Variants in SPATS2 observed in about 807,000 individuals in gnomAD.
SPATS2 encodes the protein spermatogenesis-associated serine-rich protein 2.
A neutral mutation model predicts 63.7 loss-of-function variants in SPATS2; 38 were observed. That is an observed-to-expected ratio of 0.60 (90% CI 0.46 to 0.78). The LOEUF (loss-of-function observed/expected upper bound fraction) is 0.78, where lower values mean the gene tolerates loss of function less well. SPATS2 is among the 30% of genes least tolerant of loss of function. SPATS2 has a pLI of 0.00. For synonymous variants in SPATS2, 207 were observed against 232.9 expected, an observed-to-expected ratio of 0.89 and a Z score of 1.01; for missense variants, 588 against 666.2, an observed-to-expected ratio of 0.88 and a Z score of 1.29.
intron 2 of SPATS2, among the ~76,000 whole-genome samples, chr12:49,450,803 C>T (rs987801246): frequency 2.0e-5 from 3 of 151,968 alleles, no homozygotes. Flanking sequence ...CTTGGCCTCC[C>T]GAAGTGCTGG....
Position 49,437,823 on chromosome 12 carries a change from AAGAGGGAGAGGGAGACCGTGGGG to A in SPATS2, c.-243-22931_-243-22909del, listed in dbSNP as rs1193836802. Among the ~76,000 whole-genome samples, 27 of 152,038 alleles carry A rather than the reference AAGAGGGAGAGGGAGACCGTGGGG, an allele frequency of 1.8e-4. 1 individual carries two copies. The highest frequency in any genetic ancestry group is 2.5e-4 in the Non-Finnish European group (17 of 67,954). ...CGGCATCAGGGGGAGACCGTGGAAA[AAGAGGGAGAGGGAGACCGTGGGG>A]AGAGGGAGAGGGAGAGGGAGAGGAG... On this transcript the variant is annotated intron_variant, in intron 2 of 13. Coordinates refer to ENST00000552918, the MANE Select transcript of SPATS2 (RefSeq NM_023071.4).
chr12:49,395,404 A>T (rs1944490929), intron 2 of SPATS2, among the ~76,000 whole-genome samples: 1 of 150,750 alleles, frequency 6.6e-6, no homozygotes, highest in Non-Finnish European at 1.5e-5. Context: ...TATCTTAGAG[A>T]CAATACTACC....
intron 4 of SPATS2, 133 bp from the exon 5 acceptor site, chr12:49,489,332 C>T: frequency 3.5e-6 from 2 of 565,190 alleles, no homozygotes; most frequent in Non-Finnish European, 6.1e-6. Context: ...CTTGTATGTA[C>T]TGTCACTGAC....
At chr12:49,430,444 G>A (rs149196835) in intron 2 of SPATS2, among the ~76,000 whole-genome samples, 1,681 of 152,050 alleles carry the variant, frequency 0.011, 20 homozygotes, top group Non-Finnish European at 0.019. Flanking sequence ...ATATTTATTG[G>A]TAAACTGATT....
chr12:49,460,284 T>C (rs1945799341), intron 2 of SPATS2, among the ~76,000 whole-genome samples: 1 of 151,774 alleles, frequency 6.6e-6, no homozygotes, highest in Admixed American at 6.6e-5. Context: ...TGAAACCCCA[T>C]CTCTACTAAA....
chr12:49,428,071 C>T (rs920123070), intron 2 of SPATS2, among the ~76,000 whole-genome samples: 18 of 151,818 alleles, frequency 1.2e-4, no homozygotes, highest in African/African-American at 3.6e-4. Context: ...CTGGCTAACA[C>T]GGTGAAACCC....
At chr12:49,453,506 A>T in intron 2 of SPATS2, among the ~76,000 whole-genome samples, 1 of 152,154 alleles carries the variant, frequency 6.6e-6, no homozygotes, top group South Asian at 2.1e-4. Flanking sequence ...CATATTTTTT[A>T]AATTATTATT....
At chr12:49,460,347 G>A (rs562032399) in intron 2 of SPATS2, among the ~76,000 whole-genome samples, 141 of 152,102 alleles carry the variant, frequency 9.3e-4, no homozygotes, top group African/African-American at 3.3e-3. Context: ...CCAGCTACTC[G>A]GGAGGCTGAG....
chr12:49,450,248 T>A (rs1001930872), intron 2 of SPATS2, among the ~76,000 whole-genome samples: 7 of 151,910 alleles, frequency 4.6e-5, no homozygotes, highest in African/African-American at 1.2e-4. Context: ...TTTTTTTAAA[T>A]TTTATTTATT....
At chr12:49,517,845 G>A (rs1946876640) in intron 10 of SPATS2, among the ~76,000 whole-genome samples, 1 of 151,990 alleles carries the variant, frequency 6.6e-6, no homozygotes, top group Non-Finnish European at 1.5e-5. Flanking sequence ...ACCCAATTAT[G>A]TTGGTACCCA....
At chr12:49,408,552 C>CTTT (rs772842153) in intron 2 of SPATS2, among the ~76,000 whole-genome samples, 32 of 116,074 alleles carry the variant, frequency 2.8e-4, no homozygotes, top group African/African-American at 6.4e-4. Context: ...TGTGCCTGGC[C>CTTT]TTTTTTTTTT....
intron 2 of SPATS2, among the ~76,000 whole-genome samples, chr12:49,436,548 G>A (rs531356385): frequency 1.5e-5 from 2 of 129,658 alleles, no homozygotes; most frequent in South Asian, 4.7e-4. Context: ...CCTCCTGGCC[G>A]GGCGGGGGGC....
At chr12:49,410,884 T>G (rs1233141177) in intron 2 of SPATS2, among the ~76,000 whole-genome samples, 1 of 152,126 alleles carries the variant, frequency 6.6e-6, no homozygotes, top group African/African-American at 2.4e-5. Flanking sequence ...AAATATCTAT[T>G]CTTTAATGTG....
At chr12:49,460,691 A>G (rs537269078) in intron 2 of SPATS2, 79 bp from the exon 3 acceptor site, 1 of 292,726 alleles carries the variant, frequency 3.4e-6, no homozygotes, top group Admixed American at 5.2e-5. Flanking sequence ...TACAAAAGAA[A>G]CCTTGTGGAT....
chr12:49,516,166 A>AATATATAT (rs869230532), intron 10 of SPATS2, among the ~76,000 whole-genome samples: 4 of 30,818 alleles, frequency 1.3e-4, no homozygotes, highest in Admixed American at 6.7e-4. Context: ...AAAAAAAAAA[A>AATATATAT]ATATATATAT....
At chr12:49,467,945 G>A (rs1450528872) in intron 3 of SPATS2, among the ~76,000 whole-genome samples, 1 of 151,974 alleles carries the variant, frequency 6.6e-6, no homozygotes, top group Non-Finnish European at 1.5e-5. Context: ...GTATTAGCCA[G>A]GATGGTCTCG....
At chr12:49,429,777 C>CT (rs1945147183) in intron 2 of SPATS2, among the ~76,000 whole-genome samples, 1 of 133,218 alleles carries the variant, frequency 7.5e-6, no homozygotes, top group Non-Finnish European at 1.6e-5. Context: ...TCTTTCTCTT[C>CT]TTCTTCTTCT....
intron 2 of SPATS2, among the ~76,000 whole-genome samples, chr12:49,418,382 C>T (rs550485700): frequency 6.5e-4 from 99 of 152,140 alleles, no homozygotes; most frequent in African/African-American, 2.1e-3. Context: ...TGACTGCAAT[C>T]GCCACCTCCC....
chr12:49,487,045 A>G (rs1409967817), intron 4 of SPATS2, among the ~76,000 whole-genome samples: 1 of 152,178 alleles, frequency 6.6e-6, no homozygotes, highest in East Asian at 1.9e-4. Flanking sequence ...TTTTATTTTT[A>G]TAATACTCAT....
Sources: gnomAD v4.1 joint callset for allele counts (sites outside exome capture counted in the v4.1 genomes callset) on GRCh38, gnomAD v4.1.1 for gene constraint, MANE v1.5 for transcripts, NCBI Gene and HGNC (gene_info 2026-07-23, HGNC 2026-07-21) for gene names.